Variants in POLH observed in about 807,000 individuals in gnomAD.
POLH encodes the protein DNA polymerase eta, also known as DNA polymerase eta transcript.
POLH carries 53 observed loss-of-function variants against 73.6 expected under a neutral mutation model. The observed-to-expected ratio is 0.72, with a 90% confidence interval of 0.58 to 0.91. POLH has a LOEUF of 0.91. Ranked by LOEUF, POLH falls within the 40% of genes least tolerant of loss-of-function variation. POLH has a pLI of 0.00. For synonymous variants in POLH, 292 were observed against 308.5 expected (o/e 0.95, Z 0.56); for missense variants, 768 against 865.4 (o/e 0.89, Z 1.41).
intron 1 of POLH, among the ~76,000 whole-genome samples, chr6:43,578,034 T>C (rs1193263447): frequency 2.1e-5 from 3 of 143,992 alleles, no homozygotes; most frequent in East Asian, 2.1e-4. Flanking sequence ...TGAGCTGAGA[T>C]CTCACCACTG....
chr6:43,577,725 G>A (rs2127764818), intron 1 of POLH, among the ~76,000 whole-genome samples: 1 of 152,166 alleles, frequency 6.6e-6, no homozygotes, highest in South Asian at 2.1e-4. Flanking sequence ...GATTGCTGGT[G>A]TTTCGATTGT....
intron 10 of POLH, among the ~76,000 whole-genome samples, chr6:43,612,439 C>T (rs1052271849): frequency 4.0e-5 from 6 of 151,008 alleles, no homozygotes; most frequent in Admixed American, 2.6e-4. Context: ...CTCTGCCTCC[C>T]GGGTTCAAGC....
At position 43,590,057 on chromosome 6, in the gene POLH, C is replaced by T. The variant is rs569437506; in HGVS notation, c.490+2568C>T. ...TTCTTAGATTTGAATAGAATTAGGA[C>T]AATAAAAACTTGCTTTTGTGGCTGG... On this transcript the variant is annotated intron_variant, in intron 4 of 10. Coordinates refer to ENST00000372236, the MANE Select transcript of POLH (RefSeq NM_006502.3). Among the ~76,000 whole-genome samples, 4 of 151,592 alleles carry T rather than the reference C, an allele frequency of 2.6e-5. No homozygotes were observed. The East Asian group carries it at 7.7e-4, about 29-fold the overall frequency.
chr6:43,592,032 G>A (rs1222174627), intron 4 of POLH, among the ~76,000 whole-genome samples: 2 of 152,068 alleles, frequency 1.3e-5, no homozygotes, highest in African/African-American at 2.4e-5. Flanking sequence ...TTTATAGAGA[G>A]GTCTATTTCT....
intron 1 of POLH, chr6:43,578,316 G>A (rs1763615651): frequency 8.8e-6 from 3 of 341,474 alleles, no homozygotes; most frequent in South Asian, 4.7e-5. Context: ...GAACCCGGGA[G>A]GCGTAGGTTG....
intron 5 of POLH, 142 bp downstream of exon 5, chr6:43,598,007 G>A (rs1248414055): frequency 2.7e-6 from 2 of 739,048 alleles, no homozygotes; most frequent in Admixed American, 2.1e-5. Flanking sequence ...GAGCCCAGGA[G>A]TTGAAGAGCA....
In POLH at chr6:43,613,940, A is replaced by G. The variant is rs757284435; in HGVS notation, c.1525A>G (p.Met509Val). ...TCTTACTGCTCCCACTCAGGCTCCC[A>G]TGAGCAATTCACCATCCAAGCCCTC... ...SSLTAPTQAP[M>V]SNSPSKPSLP... Residue 509 changes from methionine (M) to valine (V), a missense_variant, in exon 11 of 11, where the codon ATG (methionine) becomes GTG (valine). Met to Val is a conservative substitution (Grantham distance 21). Transcript: ENST00000372236. The G allele has an allele frequency of 3.7e-6, 6 of 1,614,014 alleles. No homozygotes were observed. Among genetic ancestry groups the G allele is most frequent in the Non-Finnish European group, 5.1e-6 (6 of 1,180,036 alleles).
intron 1 of POLH, among the ~76,000 whole-genome samples, chr6:43,579,608 A>G (rs986059865): frequency 5.9e-5 from 9 of 152,234 alleles, no homozygotes; most frequent in African/African-American, 1.9e-4. Flanking sequence ...AATTAACTGA[A>G]CCCAAAGAGG....
intron 5 of POLH, among the ~76,000 whole-genome samples, chr6:43,599,459 C>T (rs1228889103): frequency 6.6e-6 from 1 of 152,098 alleles, no homozygotes; most frequent in Non-Finnish European, 1.5e-5. Context: ...AATCCAGGAG[C>T]AGAATAACTG....
Position 43,582,332 on chromosome 6 carries a change from C to A in POLH, c.13C>A (p.Gln5Lys). Residue 5 changes from glutamine to lysine, a missense_variant, in exon 2 of 11, where the codon CAG becomes AAG. Gln to Lys is a moderately conservative substitution (Grantham distance 53, BLOSUM62 1). Transcript: ENST00000372236. ...GTGTTACAGAAAAATGGCTACTGGA[C>A]AGGATCGAGTGGTTGCTCTCGTGGA... MATG[Q>K]DRVVALVDMD... 6.2e-7 allele frequency: 1 copy of A among 1,614,098 alleles called. No individual in the cohort carries two copies.
chr6:43,586,731 G>T (rs1401883425), intron 3 of POLH, among the ~76,000 whole-genome samples: 1 of 152,128 alleles, frequency 6.6e-6, no homozygotes, highest in Non-Finnish European at 1.5e-5. Context: ...GTGATGACCA[G>T]TTCACATGTT....
chr6:43,602,789 T>G (rs1480411503), intron 6 of POLH, among the ~76,000 whole-genome samples: 1 of 151,644 alleles, frequency 6.6e-6, no homozygotes, highest in Non-Finnish European at 1.5e-5. Context: ...TGCCTCAGCC[T>G]GCCCAGTAGC....
chr6:43,609,315 T>C (rs1767637974), intron 9 of POLH, among the ~76,000 whole-genome samples: 1 of 152,242 alleles, frequency 6.6e-6, no homozygotes, highest in African/African-American at 2.4e-5. Context: ...CATGCAGTTA[T>C]AGTTGAATAA....
At chr6:43,580,882 G>C (rs1157347913) in intron 1 of POLH, among the ~76,000 whole-genome samples, 13 of 144,098 alleles carry the variant, frequency 9.0e-5, no homozygotes, top group East Asian at 4.2e-4. Flanking sequence ...GCGGCTGGCC[G>C]GGCGGAGGGC....
At chr6:43,577,970 GC>G (rs1352669310) in intron 1 of POLH, among the ~76,000 whole-genome samples, 1 of 151,966 alleles carries the variant, frequency 6.6e-6, no homozygotes, top group Non-Finnish European at 1.5e-5. Flanking sequence ...TGTAGTCCCA[GC>G]TAATGGGGAT....
At chr6:43,603,746 C>G (rs925890924) in intron 6 of POLH, 146 bp from the exon 7 acceptor site, 3 of 776,772 alleles carry the variant, frequency 3.9e-6, no homozygotes, top group Non-Finnish European at 6.7e-6. Context: ...AATTCTAACT[C>G]CCAGAGTAAC....
rs768154089 is a variant in POLH, at chr6:43,614,814, G to C, written c.*257G>C. ...GCATTTAGGGAGGCAGTGTCATAAA[G>C]TAAAAAGTGTGTGGGCCTTGGAGTC... On this transcript the variant is annotated 3_prime_UTR_variant, in exon 11 of 11. Transcript: ENST00000372236. 2.2e-6 allele frequency: 1 copy of C among 462,480 alleles called. No homozygotes were observed. The highest frequency in any genetic ancestry group is 3.8e-5 in the Admixed American group (1 of 26,570). 28.6% of individuals were successfully genotyped at this position (462,480 alleles called of 1,614,324 possible).
chr6:43,603,383 T>C (rs9462905), intron 6 of POLH, among the ~76,000 whole-genome samples: 23,613 of 152,002 alleles, frequency 0.16, 3,555 homozygotes, highest in African/African-American at 0.4. Context: ...CACTCGCTTC[T>C]GCCTCCCAAG....
chr6:43,577,636 G>A (rs1257385369), intron 1 of POLH, among the ~76,000 whole-genome samples: 1 of 151,490 alleles, frequency 6.6e-6, no homozygotes, highest in Non-Finnish European at 1.5e-5. Flanking sequence ...GTGAATGTTA[G>A]TTTTTGAAAA....
Sources: gnomAD v4.1 joint callset for allele counts (sites outside exome capture counted in the v4.1 genomes callset) on GRCh38, gnomAD v4.1.1 for gene constraint, MANE v1.5 for transcripts, NCBI Gene and HGNC (gene_info 2026-07-23, HGNC 2026-07-21) for gene names.